SPAG16: variants seen among roughly 807,000 people sequenced by gnomAD.
The protein encoded by SPAG16 is sperm-associated antigen 16 protein.
In SPAG16, 86 loss-of-function variants were observed where a neutral mutation model predicts 80.4. The observed-to-expected ratio is 1.07, with a 90% CI of 0.90 to 1.28. The LOEUF is 1.28. SPAG16 is among the 50% of genes most tolerant of loss of function. SPAG16 has a pLI of 0.00. For missense variants in SPAG16, 870 were observed against 765.3 expected, an observed-to-expected ratio of 1.14 and a Z score of -1.61; for synonymous variants, 294 against 265.9, an observed-to-expected ratio of 1.11 and a Z score of -1.03.
intron 15 of SPAG16, among the ~76,000 whole-genome samples, chr2:214,409,437 G>T (rs1040525165): frequency 2.6e-5 from 4 of 151,874 alleles, no homozygotes; most frequent in Non-Finnish European, 2.9e-5. Context: ...TCCCTGATTT[G>T]TTTTCACTTT....
At chr2:213,740,816 G>A (rs552337022) in intron 10 of SPAG16, among the ~76,000 whole-genome samples, 1 of 152,294 alleles carries the variant, frequency 6.6e-6, no homozygotes, top group South Asian at 2.1e-4. Context: ...TATGGACAAA[G>A]AAAGACCAAT....
chr2:213,395,884 A>G (rs186670297), intron 9 of SPAG16, among the ~76,000 whole-genome samples: 31 of 152,344 alleles, frequency 2.0e-4, no homozygotes, highest in African/African-American at 7.2e-4. Context: ...CATGTAGAGT[A>G]TAGTAGGAAT....
Position 214,338,857 on chromosome 2 carries a change from T to C in SPAG16, c.1721-71283T>C, listed in dbSNP as rs1295610007. Among the ~76,000 whole-genome samples the C allele has an allele frequency of 2.6e-5, 4 of 152,254 alleles. No individual in the cohort carries two copies. In the South Asian group the frequency reaches 6.2e-4, roughly 24 times the overall value. On this transcript the variant is annotated intron_variant, in intron 15 of 15. Transcript: ENST00000331683. Reference sequence around the variant, plus strand: ...ACTACAGAATAGTTGCGATTTTTGTTGTTTTTAATTATTTCTTTGGACAAC... The same window carrying C: ...ACTACAGAATAGTTGCGATTTTTGTCGTTTTTAATTATTTCTTTGGACAAC...
intron 11 of SPAG16, among the ~76,000 whole-genome samples, chr2:213,909,094 G>A (rs1360447740): frequency 2.6e-5 from 4 of 152,102 alleles, no homozygotes; most frequent in Non-Finnish European, 4.4e-5. Context: ...CAGACAAACA[G>A]AGAGCCAAAT....
rs540450530 is a variant in SPAG16, at chr2:213,479,302, A to C, written c.943-10661A>C. 2.0e-5 allele frequency among the ~76,000 whole-genome samples: 3 copies of C among 151,982 alleles called. No individual in the cohort carries two copies. In the South Asian group the frequency reaches 6.2e-4, roughly 32 times the overall value. ...TGTATAATTTCATACATCATGCCCCAAAAAATTCTCCCCATGTACTTCCAG... is the reference window on the plus strand; with the variant it reads ...TGTATAATTTCATACATCATGCCCCCAAAAATTCTCCCCATGTACTTCCAG... On this transcript the variant is annotated intron_variant, in intron 9 of 15. Transcript: ENST00000331683.
intron 15 of SPAG16, among the ~76,000 whole-genome samples, chr2:214,321,488 C>G (rs568888628): frequency 6.6e-6 from 1 of 152,196 alleles, no homozygotes; most frequent in Non-Finnish European, 1.5e-5. Context: ...GTGCGTTCAA[C>G]CTACACAGTT....
chr2:213,504,319 C>A (rs2125787548), intron 10 of SPAG16, among the ~76,000 whole-genome samples: 1 of 152,192 alleles, frequency 6.6e-6, no homozygotes, highest in South Asian at 2.1e-4. Flanking sequence ...ATATTTAAAA[C>A]CTGGGTCCCT....
chr2:213,847,968 G>A (rs1033321679), intron 10 of SPAG16, among the ~76,000 whole-genome samples: 10 of 152,200 alleles, frequency 6.6e-5, no homozygotes, highest in Non-Finnish European at 2.9e-5. Flanking sequence ...GGTATGTGCT[G>A]CAGACATTCA....
chr2:214,309,451 G>C (rs1160120625), intron 15 of SPAG16, among the ~76,000 whole-genome samples: 1 of 152,112 alleles, frequency 6.6e-6, no homozygotes, highest in Non-Finnish European at 1.5e-5. Context: ...CAATCATTTG[G>C]AGAAAAGAAG....
intron 10 of SPAG16, among the ~76,000 whole-genome samples, chr2:213,623,805 A>G (rs1187595867): frequency 6.6e-6 from 1 of 152,082 alleles, no homozygotes; most frequent in African/African-American, 2.4e-5. Flanking sequence ...CAGAGTAAAC[A>G]CCAATGAATC....
At chr2:214,364,035 A>G (rs971756753) in intron 15 of SPAG16, among the ~76,000 whole-genome samples, 5 of 152,036 alleles carry the variant, frequency 3.3e-5, no homozygotes, top group South Asian at 2.1e-4. Flanking sequence ...GTATTCTCTA[A>G]TTTGACTAAT....
intron 13 of SPAG16, among the ~76,000 whole-genome samples, chr2:214,017,994 A>C (rs531142456): frequency 6.6e-6 from 1 of 152,292 alleles, no homozygotes; most frequent in East Asian, 1.9e-4. Context: ...AAGTTCATTT[A>C]ATGGGTTTAT....
intron 15 of SPAG16, among the ~76,000 whole-genome samples, chr2:214,242,767 G>A (rs1689582170): frequency 6.6e-6 from 1 of 151,978 alleles, no homozygotes; most frequent in Admixed American, 6.6e-5. Context: ...GAATACATAG[G>A]TCTCTTAGAG....
chr2:213,784,727 G>A (rs1391667837), intron 10 of SPAG16, among the ~76,000 whole-genome samples: 1 of 147,578 alleles, frequency 6.8e-6, no homozygotes, highest in Non-Finnish European at 1.5e-5. Context: ...GGAAAGAAAA[G>A]AGAAGCACAT....
At chr2:213,760,185 C>T (rs185601316) in intron 10 of SPAG16, among the ~76,000 whole-genome samples, 5 of 152,086 alleles carry the variant, frequency 3.3e-5, no homozygotes, top group South Asian at 2.1e-4. Flanking sequence ...GTACAAGAGA[C>T]TCATTTTAGA....
intron 11 of SPAG16, among the ~76,000 whole-genome samples, chr2:213,928,138 T>G (rs2106236656): frequency 6.6e-6 from 1 of 152,232 alleles, no homozygotes; most frequent in South Asian, 2.1e-4. Context: ...CAGGCTGGAG[T>G]GCAGTGGCAT....
chr2:213,955,228 A>G (rs1033130521), intron 12 of SPAG16, among the ~76,000 whole-genome samples: 1 of 152,140 alleles, frequency 6.6e-6, no homozygotes, highest in Non-Finnish European at 1.5e-5. Flanking sequence ...TGTTGCATCT[A>G]AGAAGTCATT....
At chr2:213,690,829 T>C (rs766974838) in intron 10 of SPAG16, among the ~76,000 whole-genome samples, 3 of 152,176 alleles carry the variant, frequency 2.0e-5, no homozygotes, top group Non-Finnish European at 4.4e-5. Flanking sequence ...TCCCAGGGGC[T>C]CTTGGGCCTA....
chr2:213,862,333 T>G, intron 10 of SPAG16, 152 bp from the exon 11 acceptor site: 1 of 861,762 alleles, frequency 1.2e-6, no homozygotes, highest in South Asian at 1.7e-5. Flanking sequence ...ATAGCAGGGA[T>G]GCAGAACCTG....
Sources: allele counts gnomAD v4.1 joint callset (sites outside exome capture counted in the v4.1 genomes callset), GRCh38; gene constraint gnomAD v4.1.1; transcripts MANE v1.5; gene names NCBI Gene and HGNC (gene_info 2026-07-23, HGNC 2026-07-21).